TIAL1: variants seen among roughly 807,000 people sequenced by gnomAD.
TIAL1 encodes TIA1 cytotoxic granule associated RNA binding protein like 1.
Under a neutral mutation model 59.7 loss-of-function variants are expected in TIAL1, and 7 were observed. That is an observed-to-expected ratio of 0.12 (90% CI 0.07 to 0.22). TIAL1 has a LOEUF of 0.22. Among genes scored for constraint, TIAL1 ranks in the 10% least tolerant of loss-of-function variants. The pLI, the probability that TIAL1 is intolerant of heterozygous loss-of-function variation, is 1.00. For synonymous variants in TIAL1, 149 were observed against 146.3 expected, an observed-to-expected ratio of 1.02 and a Z score of -0.13; for missense variants, 225 against 462.5, an observed-to-expected ratio of 0.49 and a Z score of 4.71.
At chr10:119,576,951 A>C (rs1048254176) in intron 10 of TIAL1, 129 bp downstream of exon 10, 6 of 1,376,952 alleles carry the variant, frequency 4.4e-6, no homozygotes, top group African/African-American at 1.5e-5. Flanking sequence ...GCAAATAATC[A>C]ATTTTGAAAT....
chr10:119,583,393 T>C (rs1459935192), intron 2 of TIAL1, among the ~76,000 whole-genome samples: 3 of 152,158 alleles, frequency 2.0e-5, no homozygotes, highest in Non-Finnish European at 2.9e-5. Context: ...CTAAAACACA[T>C]TTATAAAGAT....
At chr10:119,581,031 G>C (rs1845279904) in intron 5 of TIAL1, among the ~76,000 whole-genome samples, 1 of 151,952 alleles carries the variant, frequency 6.6e-6, no homozygotes. Context: ...AGAAAGTTAA[G>C]AATTACATCT....
Position 119,596,669 on chromosome 10 carries a change from CA to C in TIAL1, c.-205del. 1.7e-6 allele frequency: 1 copy of C among 591,502 alleles called. No homozygotes were observed. The highest frequency in any genetic ancestry group is 3.0e-6 in the Non-Finnish European group (1 of 332,896). The allele number at this position is 591,502 out of a possible 1,614,324, so 36.6% of individuals were successfully genotyped here. A position where few individuals can be genotyped will look rare whatever the true frequency, so the allele number is the denominator to read the frequency against. ...GGAGCAGGAGGAGGAGGAGGATGAA[CA>C]AAATGGCCGCCGCCACCAGCCAGGC... is the stretch of plus-strand genomic sequence containing the variant. On this transcript the variant is annotated 5_prime_UTR_variant, in exon 1 of 12. Coordinates refer to ENST00000436547, the MANE Select transcript of TIAL1 (RefSeq NM_003252.4).
At chr10:119,594,757 A>G (rs1846068052) in intron 1 of TIAL1, among the ~76,000 whole-genome samples, 1 of 151,960 alleles carries the variant, frequency 6.6e-6, no homozygotes, top group Non-Finnish European at 1.5e-5. Flanking sequence ...CCCAAGTAGC[A>G]GGGACTACAG....
chr10:119,578,984 C>T (rs1296589879), intron 6 of TIAL1, 150 bp from the exon 7 acceptor site: 6 of 627,064 alleles, frequency 9.6e-6, no homozygotes, highest in South Asian at 2.0e-5. Context: ...GAACTATTAC[C>T]AATTAGAAAA....
At chr10:119,581,192 A>C (rs1845289451) in intron 5 of TIAL1, among the ~76,000 whole-genome samples, 1 of 152,054 alleles carries the variant, frequency 6.6e-6, no homozygotes, top group Non-Finnish European at 1.5e-5. Flanking sequence ...CAGAAAGATA[A>C]ATTATGATAA....
chr10:119,575,547 A>G lies in TIAL1; in HGVS notation c.*118T>C. 7.0e-7 allele frequency: 1 copy of G among 1,425,408 alleles called. No individual in the cohort carries two copies. Among genetic ancestry groups the G allele is most frequent in the South Asian group, 1.2e-5 (1 of 81,092 alleles). The allele number at this position is 1,425,408 out of a possible 1,614,324, so 88.3% of individuals were successfully genotyped here. A position where few individuals can be genotyped will look rare whatever the true frequency, so the allele number is the denominator to read the frequency against. On this transcript the variant is annotated 3_prime_UTR_variant, in exon 12 of 12. Transcript: ENST00000436547. ...AAAGCAAATCTGTGCTAAAGGTTCC[A>G]AACATTTCAATTTTTAAAATAAATA...
At chr10:119,580,649 TAGTG>T (rs1348696802) in intron 5 of TIAL1, 28 of 994,318 alleles carry the variant, frequency 2.8e-5, no homozygotes, top group African/African-American at 1.7e-4. Flanking sequence ...ACAGAAATTT[TAGTG>T]AGTAAGTTAA....
chr10:119,588,927 A>AAC (rs931589037), intron 1 of TIAL1, among the ~76,000 whole-genome samples: 9 of 152,116 alleles, frequency 5.9e-5, no homozygotes, highest in East Asian at 3.8e-4. Context: ...AATAATTTAT[A>AAC]ACACACACAC....
At chr10:119,584,150 C>A (rs1433020560) in intron 2 of TIAL1, among the ~76,000 whole-genome samples, 2 of 151,834 alleles carry the variant, frequency 1.3e-5, no homozygotes, top group Non-Finnish European at 2.9e-5. Flanking sequence ...AATAGTAGGC[C>A]AGCTCCCAAT....
At chr10:119,594,768 G>C (rs566074285) in intron 1 of TIAL1, among the ~76,000 whole-genome samples, 1 of 152,154 alleles carries the variant, frequency 6.6e-6, no homozygotes, top group South Asian at 2.1e-4. Flanking sequence ...GGGACTACAG[G>C]CGCGCGCCAC....
At chr10:119,586,113 T>C (rs758761360) in intron 2 of TIAL1, among the ~76,000 whole-genome samples, 5 of 152,206 alleles carry the variant, frequency 3.3e-5, no homozygotes, top group Admixed American at 6.5e-5. Context: ...TCTCTAGAGT[T>C]GCAAACTACT....
intron 7 of TIAL1, among the ~76,000 whole-genome samples, chr10:119,578,456 C>A (rs1176401794): frequency 3.3e-5 from 5 of 151,936 alleles, no homozygotes; most frequent in African/African-American, 9.7e-5. Context: ...CGTAACCAGA[C>A]CCTGTCTCTA....
chr10:119,582,752 A>C lies in TIAL1; in HGVS notation c.130-195T>G, dbSNP rs1306129728. On this transcript the variant is annotated intron_variant, in intron 2 of 11. Transcript: ENST00000436547. This position sits in a 1 kb window ranked among gnomAD's most constrained non-coding sequence, Gnocchi z 5.1. ...GCACCTCAGAATACTGCTGAACTCA[A>C]ACGGAACTATAAAAGCAGTTGTAGA... The C allele has an allele frequency of 4.3e-6, 3 of 697,426 alleles. No homozygotes were observed. The highest frequency in any genetic ancestry group is 6.4e-6 in the Non-Finnish European group (3 of 465,760). 43.2% of individuals were successfully genotyped at this position (697,426 alleles called of 1,614,324 possible).
At chr10:119,584,255 C>T (rs1041724038) in intron 2 of TIAL1, among the ~76,000 whole-genome samples, 1 of 152,100 alleles carries the variant, frequency 6.6e-6, no homozygotes, top group African/African-American at 2.4e-5. Flanking sequence ...TAATTTAAGA[C>T]ACCACTTATT....
chr10:119,581,109 A>G (rs1845285036), intron 5 of TIAL1, among the ~76,000 whole-genome samples: 1 of 152,076 alleles, frequency 6.6e-6, no homozygotes, highest in Non-Finnish European at 1.5e-5. Context: ...TAGTTGAAAC[A>G]CTTTCCTGTA....
At chr10:119,578,224 CAAAAAAAA>C (rs10541595) in intron 7 of TIAL1, among the ~76,000 whole-genome samples, 2 of 57,346 alleles carry the variant, frequency 3.5e-5, no homozygotes, top group Non-Finnish European at 3.0e-5. Context: ...GACTCCACCT[CAAAAAAAA>C]AAAAAAAAAA....
chr10:119,590,089 C>T (rs544501626), intron 1 of TIAL1, among the ~76,000 whole-genome samples: 2 of 152,248 alleles, frequency 1.3e-5, no homozygotes, highest in South Asian at 2.1e-4. Context: ...GAATTAGTAG[C>T]GATTTTCCAG....
chr10:119,574,658 C>CA lies in TIAL1; in HGVS notation c.*1006dup, dbSNP rs1844891520. 1 of 144,100 alleles carries CA rather than the reference C, an allele frequency of 6.9e-6. No individual in the cohort carries two copies. The highest frequency in any genetic ancestry group is 1.5e-5 in the Non-Finnish European group (1 of 66,096). The allele number at this position is 144,100 out of a possible 1,614,324, so 8.9% of individuals were successfully genotyped here. A position where few individuals can be genotyped will look rare whatever the true frequency, so the allele number is the denominator to read the frequency against. On this transcript the variant is annotated 3_prime_UTR_variant, in exon 12 of 12. Transcript: ENST00000436547. ...GACATTTTAGAACATACTAATGCAT[C>CA]AAAGATTGTATGAAATTAAAATTAA...
Sources: gnomAD v4.1 joint callset for allele counts (sites outside exome capture counted in the v4.1 genomes callset) on GRCh38, gnomAD v4.1.1 for gene constraint, Gnocchi (gnomAD v3.1) non-coding constraint, MANE v1.5 for transcripts, NCBI Gene and HGNC (gene_info 2026-07-23, HGNC 2026-07-21) for gene names.